The following TOX2 variants were observed in gnomAD, a reference collection of about 807,000 sequenced individuals.
TOX2 encodes TOX high mobility group box family member 2, also known as granulosa cell HMG box 1.
In TOX2, 15 loss-of-function variants were observed where a neutral mutation model predicts 47.4. The ratio of observed to expected loss-of-function variants is 0.32; its 90% CI spans 0.21 to 0.49. TOX2 has a LOEUF of 0.49. Ranked by LOEUF, TOX2 falls within the 20% of genes least tolerant of loss-of-function variation. TOX2 has a pLI of 0.99. For missense variants in TOX2, 622 were observed against 673.1 expected, an observed-to-expected ratio of 0.92 and a Z score of 0.84; for synonymous variants, 290 against 296.6, an observed-to-expected ratio of 0.98 and a Z score of 0.23.
rs1403146994 is a variant in TOX2, at chr20:44,068,637, C to G, written c.1485-13C>G. On this transcript the variant is annotated splice_polypyrimidine_tract_variant and intron_variant, in intron 8 of 8. Coordinates refer to ENST00000341197, the MANE Select transcript of TOX2 (RefSeq NM_001098797.2). ...TACCCAACAGCTTTGACAGCCCCTC[C>G]TCTCTCTCACAGCCTGCTCCCCAGG... is the stretch of plus-strand genomic sequence containing the variant. 1 of 1,608,880 alleles carries G rather than the reference C, an allele frequency of 6.2e-7. No individual in the cohort carries two copies. Among genetic ancestry groups the G allele is most frequent in the Non-Finnish European group, 8.5e-7 (1 of 1,176,082 alleles).
chr20:44,016,726 C>T (rs774768597), intron 3 of TOX2, among the ~76,000 whole-genome samples: 1 of 152,182 alleles, frequency 6.6e-6, no homozygotes, highest in Non-Finnish European at 1.5e-5. Context: ...GGCTGTTCCA[C>T]CTTGTCCACC....
At position 44,048,146 on chromosome 20, in the gene TOX2, G is replaced by C. The variant is rs6031323; in HGVS notation, c.412-3160G>C. Among the ~76,000 whole-genome samples the C allele has an allele frequency of 7.8e-4, 119 of 152,100 alleles. 1 individual carries two copies. Among genetic ancestry groups the C allele is most frequent in the African/African-American group, 2.7e-3 (113 of 41,482 alleles). On this transcript the variant is annotated intron_variant, in intron 3 of 8. Coordinates refer to ENST00000341197, the MANE Select transcript of TOX2 (RefSeq NM_001098797.2). ...AGGCAGAAAAATTGCTTGAACCCTG[G>C]AGGTGGAGGCAGAGGTTGTGGTGAG...
chr20:43,928,997 A>AAAAAAAAAAAAAAAAAC (rs540054093), intron 1 of TOX2, among the ~76,000 whole-genome samples: 1 of 149,558 alleles, frequency 6.7e-6, no homozygotes, highest in African/African-American at 2.5e-5. Context: ...AAAAAAAAAA[A>AAAAAAAAAAAAAAAAAC]AACAACAACA....
chr20:43,959,562 C>T (rs920854586), intron 1 of TOX2, among the ~76,000 whole-genome samples: 1 of 152,168 alleles, frequency 6.6e-6, no homozygotes, highest in African/African-American at 2.4e-5. Flanking sequence ...CAAGATCGAA[C>T]GCTGTCGTTG....
intron 3 of TOX2, among the ~76,000 whole-genome samples, chr20:44,049,162 A>AT (rs1307233677): frequency 5.9e-5 from 9 of 152,188 alleles, no homozygotes; most frequent in East Asian, 1.9e-4. Context: ...TTAAAAGGAG[A>AT]TATTTTTATG....
chr20:43,962,072 T>A (rs532998141), intron 1 of TOX2, among the ~76,000 whole-genome samples: 3 of 152,254 alleles, frequency 2.0e-5, no homozygotes, highest in Non-Finnish European at 4.4e-5. Flanking sequence ...AATGTGCAAT[T>A]AGATTTACAA....
chr20:44,002,499 C>G (rs1161999938), intron 2 of TOX2, among the ~76,000 whole-genome samples: 1 of 152,202 alleles, frequency 6.6e-6, no homozygotes, highest in East Asian at 1.9e-4. Flanking sequence ...TATAGCAGCC[C>G]TGTAGATACA....
chr20:43,932,783 C>CCCCCCCG lies in TOX2; in HGVS notation c.99+17793_99+17794insCCCCCCG, dbSNP rs11283632. ...TTGGAGAGGGGTTGCTGCCCCCCCC[C>CCCCCCCG]GCCATTTCTGACTGAGGGCAGGTCA... On this transcript the variant is annotated intron_variant, in intron 1 of 8. Transcript: ENST00000341197. Among the ~76,000 whole-genome samples the CCCCCCCG allele has an allele frequency of 3.2e-4, 47 of 148,944 alleles. 1 individual carries two copies. Among genetic ancestry groups the CCCCCCCG allele is most frequent in the East Asian group, 1.3e-3 (6 of 4,646 alleles).
intron 3 of TOX2, among the ~76,000 whole-genome samples, chr20:44,036,176 G>A (rs1011357633): frequency 5.9e-5 from 9 of 152,324 alleles, no homozygotes; most frequent in Admixed American, 5.2e-4. Flanking sequence ...GGGGGCCGTC[G>A]GGCCGTGCAG....
In TOX2 at chr20:44,051,330, G is replaced by A. The variant is rs1034031728; in HGVS notation, c.436G>A (p.Val146Met). The A allele has an allele frequency of 1.9e-6, 3 of 1,611,902 alleles. No homozygotes were observed. The highest frequency in any genetic ancestry group is 2.5e-6 in the Non-Finnish European group (3 of 1,178,548). Residue 146 changes from valine (V) to methionine (M), a missense_variant, in exon 4 of 9, where the codon GTG becomes ATG. Val to Met is a conservative substitution (Grantham distance 21, BLOSUM62 1). Coordinates refer to ENST00000341197, the MANE Select transcript of TOX2 (RefSeq NM_001098797.2). ...GATCCAGGAGATGGTCCACTCGGAAGTGGCTGCCTATGACTCGGGCCGGCC... is the reference window on the plus strand; with the variant it reads ...GATCCAGGAGATGGTCCACTCGGAAATGGCTGCCTATGACTCGGGCCGGCC... ...PTIQEMVHSE[V>M]AAYDSGRPGP...
chr20:43,957,453 G>A (rs186071991), intron 1 of TOX2, among the ~76,000 whole-genome samples: 104 of 152,036 alleles, frequency 6.8e-4, no homozygotes, highest in African/African-American at 2.3e-3. Context: ...AATTGGGCTT[G>A]TTTTTTCCTC....
chr20:44,050,586 A>G (rs2071491296), intron 3 of TOX2, among the ~76,000 whole-genome samples: 1 of 152,248 alleles, frequency 6.6e-6, no homozygotes. Flanking sequence ...AAATGCTTAT[A>G]TGTAAAACCA....
At chr20:43,958,962 G>A (rs992705630) in intron 1 of TOX2, among the ~76,000 whole-genome samples, 2 of 152,240 alleles carry the variant, frequency 1.3e-5, no homozygotes, top group Non-Finnish European at 2.9e-5. Flanking sequence ...ATGCCTTGGA[G>A]TGCAGTTTTC....
chr20:43,972,847 C>T (rs1004051587), intron 1 of TOX2, among the ~76,000 whole-genome samples: 4 of 152,338 alleles, frequency 2.6e-5, no homozygotes, highest in East Asian at 1.9e-4. Context: ...TGTAGCCAGG[C>T]GTGGCCCTAG....
chr20:44,043,307 T>G (rs114903436), intron 3 of TOX2, among the ~76,000 whole-genome samples: 1 of 152,182 alleles, frequency 6.6e-6, no homozygotes, highest in Admixed American at 6.5e-5. Context: ...CATATTGTTG[T>G]TGCTGCTGCT....
chr20:43,966,233 C>G (rs370098096), intron 1 of TOX2, among the ~76,000 whole-genome samples: 1 of 152,150 alleles, frequency 6.6e-6, no homozygotes, highest in Non-Finnish European at 1.5e-5. Context: ...GTCGTCAGAT[C>G]AATGCTGTTA....
At chr20:43,917,891 TTTGTG>T (rs2069075211) in intron 1 of TOX2, among the ~76,000 whole-genome samples, 2 of 152,176 alleles carry the variant, frequency 1.3e-5, no homozygotes, top group Admixed American at 1.3e-4. Flanking sequence ...AGCATAGGGA[TTTGTG>T]GCCCCATGGC....
intron 2 of TOX2, among the ~76,000 whole-genome samples, chr20:43,988,870 G>A (rs1250909738): frequency 2.0e-5 from 3 of 152,210 alleles, no homozygotes; most frequent in Non-Finnish European, 2.9e-5. Context: ...GCAGTTTGGG[G>A]ACTCTGGACT....
At chr20:44,029,446 C>T (rs2071115723) in intron 3 of TOX2, among the ~76,000 whole-genome samples, 2 of 152,130 alleles carry the variant, frequency 1.3e-5, no homozygotes, top group South Asian at 4.1e-4. Context: ...GGTTTGGATC[C>T]TGATCCTGCT....
Sources: allele counts gnomAD v4.1 joint callset (sites outside exome capture counted in the v4.1 genomes callset), GRCh38; gene constraint gnomAD v4.1.1; transcripts MANE v1.5; gene names NCBI Gene and HGNC (gene_info 2026-07-23, HGNC 2026-07-21).